The following KLC1 variants were observed in gnomAD, a reference collection of about 807,000 sequenced individuals.
KLC1 encodes kinesin light chain 1.
In KLC1, 30 loss-of-function variants were observed where a neutral mutation model predicts 84.2. That is an observed-to-expected ratio of 0.36 (90% confidence interval 0.27 to 0.48). The LOEUF is 0.48. Among genes scored for constraint, KLC1 ranks in the 20% least tolerant of loss-of-function variants. KLC1 has a pLI of 0.99. For synonymous variants in KLC1, 289 were observed against 293.3 expected (o/e 0.99, Z 0.15); for missense variants, 499 against 805.4 (o/e 0.62, Z 4.60).
chr14:103,638,113 C>G (rs952301175), intron 1 of KLC1, among the ~76,000 whole-genome samples: 2 of 151,970 alleles, frequency 1.3e-5, no homozygotes, highest in African/African-American at 4.8e-5. Context: ...GGGGATGGGA[C>G]CTGACCCTGC....
chr14:103,665,331 G>A (rs1227025410), intron 5 of KLC1, among the ~76,000 whole-genome samples: 2 of 151,998 alleles, frequency 1.3e-5, no homozygotes, highest in African/African-American at 4.8e-5. Flanking sequence ...GATTATAGGT[G>A]TGAGCTGCGA....
intron 3 of KLC1, among the ~76,000 whole-genome samples, chr14:103,659,906 CTT>C (rs1402384234): frequency 6.6e-6 from 1 of 152,174 alleles, no homozygotes; most frequent in African/African-American, 2.4e-5. Flanking sequence ...GCTGCCATCT[CTT>C]TGTGTTCTCA....
chr14:103,657,908 G>T, intron 3 of KLC1, 132 bp downstream of exon 3: 1 of 714,324 alleles, frequency 1.4e-6, no homozygotes, highest in Non-Finnish European at 2.3e-6. Flanking sequence ...AAAATGTTTT[G>T]TAAATATAAG....
chr14:103,699,265 G>A, intron 15 of KLC1: 1 of 1,539,724 alleles, frequency 6.5e-7, no homozygotes, highest in Non-Finnish European at 8.7e-7. Context: ...GGAGCCGGAG[G>A]CCACCTCACT....
chr14:103,665,839 T>C (rs2079736156), intron 5 of KLC1, among the ~76,000 whole-genome samples: 1 of 152,266 alleles, frequency 6.6e-6, no homozygotes, highest in South Asian at 2.1e-4. Flanking sequence ...AAAGGCTGTG[T>C]CTGCCCATGC....
At chr14:103,635,749 A>G (rs2151285149) in intron 1 of KLC1, among the ~76,000 whole-genome samples, 1 of 151,692 alleles carries the variant, frequency 6.6e-6, no homozygotes, top group Non-Finnish European at 1.5e-5. Flanking sequence ...TGAGACTCCC[A>G]TCTCAAAAAG....
chr14:103,692,036 T>C (rs1053124916), intron 14 of KLC1, among the ~76,000 whole-genome samples: 1 of 152,182 alleles, frequency 6.6e-6, no homozygotes, highest in African/African-American at 2.4e-5. Context: ...TTCCAAAGCA[T>C]TGGGATTACA....
chr14:103,659,463 T>A (rs1182624063), intron 3 of KLC1, among the ~76,000 whole-genome samples: 1 of 152,174 alleles, frequency 6.6e-6, no homozygotes, highest in Non-Finnish European at 1.5e-5. Flanking sequence ...CATAGAACAG[T>A]GGTCAGAACT....
chr14:103,635,025 A>AT (rs1039775981), intron 1 of KLC1, among the ~76,000 whole-genome samples: 10 of 151,692 alleles, frequency 6.6e-5, no homozygotes, highest in African/African-American at 1.2e-4. Context: ...ATGAATTATG[A>AT]TTTTTTTTTA....
intron 15 of KLC1, chr14:103,695,179 G>T (rs1326450642): frequency 4.5e-6 from 4 of 886,474 alleles, no homozygotes; most frequent in Non-Finnish European, 5.4e-6. Flanking sequence ...TATATGGCTG[G>T]GTGCGGTGGT....
chr14:103,699,759 A>C (rs1034756533), intron 15 of KLC1, among the ~76,000 whole-genome samples: 2 of 152,058 alleles, frequency 1.3e-5, no homozygotes, highest in African/African-American at 2.4e-5. Context: ...AGAGGCCCCA[A>C]CTATAGAAGC....
At chr14:103,663,750 A>G (rs1403632595) in intron 5 of KLC1, among the ~76,000 whole-genome samples, 1 of 152,070 alleles carries the variant, frequency 6.6e-6, no homozygotes, top group East Asian at 1.9e-4. Context: ...CTCAGTGCCT[A>G]GGATGCAGTT....
At chr14:103,630,625 A>G (rs1315208107) in intron 1 of KLC1, among the ~76,000 whole-genome samples, 1 of 152,190 alleles carries the variant, frequency 6.6e-6, no homozygotes, top group East Asian at 1.9e-4. Flanking sequence ...AGAAAACTGG[A>G]AGAACCTCCT....
chr14:103,697,284 C>T (rs559596818), intron 15 of KLC1: 50 of 252,710 alleles, frequency 2.0e-4, no homozygotes, highest in African/African-American at 1.0e-3. Flanking sequence ...AAGGTTTAAA[C>T]GGATTGTCCC....
chr14:103,645,924 A>T (rs924419978), intron 1 of KLC1, among the ~76,000 whole-genome samples: 1 of 151,624 alleles, frequency 6.6e-6, no homozygotes, highest in South Asian at 2.1e-4. Context: ...TGCCCAGCTA[A>T]TTTTTTTGTA....
chr14:103,655,629 G>A (rs906243100), intron 2 of KLC1, among the ~76,000 whole-genome samples: 2 of 146,036 alleles, frequency 1.4e-5, no homozygotes, highest in African/African-American at 5.1e-5. Flanking sequence ...ATTTTTTTGA[G>A]ACAGTGTTTG....
intron 16 of KLC1, 139 bp from the exon 17 acceptor site, chr14:103,701,062 G>T: frequency 1.9e-6 from 2 of 1,067,772 alleles, no homozygotes; most frequent in Non-Finnish European, 2.8e-6. Flanking sequence ...TCGGCCCCAG[G>T]GAGGCTCACA....
intron 1 of KLC1, among the ~76,000 whole-genome samples, chr14:103,634,461 T>C (rs906700751): frequency 1.3e-5 from 2 of 152,160 alleles, no homozygotes; most frequent in Non-Finnish European, 1.5e-5. Context: ...GGCAGCCAAG[T>C]GGACTAGTGG....
intron 8 of KLC1, 41 bp downstream of exon 8, chr14:103,673,228 C>T (rs1419487345): frequency 6.3e-7 from 1 of 1,586,774 alleles, no homozygotes; most frequent in Non-Finnish European, 8.6e-7. Context: ...GCCAGGAGTG[C>T]TTTCGTCCCA....
Sources: gnomAD v4.1 joint callset for allele counts (sites outside exome capture counted in the v4.1 genomes callset) on GRCh38, gnomAD v4.1.1 for gene constraint, MANE v1.5 for transcripts, NCBI Gene and HGNC (gene_info 2026-07-23, HGNC 2026-07-21) for gene names.